Variants in FHIT observed in about 807,000 individuals in gnomAD.
FHIT encodes fragile histidine triad diadenosine triphosphatase.
A neutral mutation model predicts 17.9 loss-of-function variants in FHIT; 19 were observed. The ratio of observed to expected loss-of-function variants is 1.06; its 90% CI spans 0.74 to 1.56. The LOEUF is 1.56. FHIT is among the 40% of genes most tolerant of loss of function. FHIT has a pLI of 0.00. For synonymous variants in FHIT, 81 were observed against 69.7 expected, an observed-to-expected ratio of 1.16 and a Z score of -0.81; for missense variants, 248 against 189.2, an observed-to-expected ratio of 1.31 and a Z score of -1.82.
At chr3:60,351,474 T>C (rs923032029) in intron 5 of FHIT, among the ~76,000 whole-genome samples, 7 of 152,184 alleles carry the variant, frequency 4.6e-5, no homozygotes, top group Non-Finnish European at 8.8e-5. Flanking sequence ...TTTTGTCTAA[T>C]GATATATGCA....
chr3:60,374,642 A>G (rs568785568), intron 5 of FHIT, among the ~76,000 whole-genome samples: 1 of 151,110 alleles, frequency 6.6e-6, no homozygotes, highest in Non-Finnish European at 1.5e-5. Context: ...ATTGACATTT[A>G]TGTAGAAGGA....
intron 4 of FHIT, among the ~76,000 whole-genome samples, chr3:60,589,742 G>GA (rs2038021236): frequency 6.6e-6 from 1 of 152,008 alleles, no homozygotes; most frequent in Non-Finnish European, 1.5e-5. Flanking sequence ...GATACTACTT[G>GA]TTTCCCCCAC....
intron 5 of FHIT, among the ~76,000 whole-genome samples, chr3:60,437,656 T>A (rs559069876): frequency 7.2e-5 from 11 of 152,244 alleles, no homozygotes; most frequent in Middle Eastern, 3.4e-3. Context: ...GTTGTGTTAT[T>A]TATCTGTGGT....
At chr3:61,107,607 C>G (rs2036028503) in intron 2 of FHIT, among the ~76,000 whole-genome samples, 2 of 152,154 alleles carry the variant, frequency 1.3e-5, no homozygotes, top group Non-Finnish European at 2.9e-5. Context: ...TGCTTTTTCT[C>G]TACAGCTCAG....
At chr3:60,288,566 AGTGTGTGTGTGTGTGT>A (rs139336094) in intron 5 of FHIT, among the ~76,000 whole-genome samples, 3,970 of 144,652 alleles carry the variant, frequency 0.027, 74 homozygotes, top group Middle Eastern at 0.078. Flanking sequence ...GTTCTGGCAC[AGTGTGTGTGTGTGTGT>A]GTGTGTGTGT....
chr3:60,923,281 G>T (rs1707383339), intron 3 of FHIT, among the ~76,000 whole-genome samples: 1 of 152,184 alleles, frequency 6.6e-6, no homozygotes, highest in African/African-American at 2.4e-5. Flanking sequence ...GTCAAATGTT[G>T]TGTGTGTTTC....
At chr3:61,150,329 A>C (rs536936803) in intron 2 of FHIT, among the ~76,000 whole-genome samples, 1 of 151,782 alleles carries the variant, frequency 6.6e-6, no homozygotes, top group Non-Finnish European at 1.5e-5. Context: ...GGAGCTCTCT[A>C]TGTTCCTTCT....
At chr3:60,003,198 C>T (rs1260016576) in intron 7 of FHIT, among the ~76,000 whole-genome samples, 1 of 152,164 alleles carries the variant, frequency 6.6e-6, no homozygotes, top group Non-Finnish European at 1.5e-5. Flanking sequence ...TCACATCCCA[C>T]ATTGCACTGC....
At chr3:60,273,402 T>A in intron 5 of FHIT, among the ~76,000 whole-genome samples, 1 of 151,084 alleles carries the variant, frequency 6.6e-6, no homozygotes, top group Non-Finnish European at 1.5e-5. Flanking sequence ...AGGTCAGGAG[T>A]TCAAGACCAG....
At chr3:60,858,083 G>A (rs1233504597) in intron 3 of FHIT, among the ~76,000 whole-genome samples, 1 of 152,164 alleles carries the variant, frequency 6.6e-6, no homozygotes, top group East Asian at 1.9e-4. Flanking sequence ...GTCCATGTTT[G>A]TCTTGGTCAC....
intron 4 of FHIT, among the ~76,000 whole-genome samples, chr3:60,599,067 A>G (rs1553667798): frequency 6.6e-6 from 1 of 152,208 alleles, no homozygotes; most frequent in African/African-American, 2.4e-5. Context: ...TGCTGTGGGC[A>G]TACTAGCAAA....
Position 60,497,578 on chromosome 3 carries a change from G to C in FHIT, c.103+39282C>G, listed in dbSNP as rs116005988. Among the ~76,000 whole-genome samples, 1,122 of 152,072 alleles carry C rather than the reference G, an allele frequency of 7.4e-3. 14 individuals carry two copies. The highest frequency in any genetic ancestry group is 0.026 in the African/African-American group (1,064 of 41,492). The stretch of plus-strand genomic sequence containing the variant: ...TCAAACGTATTTGCACTTTTTTTCA[G>C]TGTTTGTTCTACACAGAGCTATAAA... On this transcript the variant is annotated intron_variant, in intron 5 of 9. Coordinates refer to ENST00000492590, the MANE Select transcript of FHIT (RefSeq NM_002012.4).
At chr3:59,975,045 G>A (rs547710276) in intron 7 of FHIT, among the ~76,000 whole-genome samples, 2 of 151,700 alleles carry the variant, frequency 1.3e-5, no homozygotes, top group Non-Finnish European at 2.9e-5. Flanking sequence ...TTATTTTTTT[G>A]TGGGCCCTCA....
intron 2 of FHIT, among the ~76,000 whole-genome samples, chr3:61,083,092 A>C (rs1044226946): frequency 2.6e-5 from 4 of 152,214 alleles, no homozygotes; most frequent in Non-Finnish European, 5.9e-5. Flanking sequence ...TGATGTCTTT[A>C]GTTCATAAAC....
intron 3 of FHIT, among the ~76,000 whole-genome samples, chr3:60,869,520 G>A (rs1444750741): frequency 6.6e-6 from 1 of 152,156 alleles, no homozygotes; most frequent in Non-Finnish European, 1.5e-5. Context: ...CACATGCAAG[G>A]AATGACTGCA....
chr3:60,013,860 G>C, intron 6 of FHIT, 147 bp downstream of exon 6: 1 of 760,950 alleles, frequency 1.3e-6, no homozygotes, highest in Non-Finnish European at 2.2e-6. Flanking sequence ...CAGTAGGGTT[G>C]CCCTGCATTA....
intron 5 of FHIT, among the ~76,000 whole-genome samples, chr3:60,484,580 T>A (rs1227610799): frequency 6.6e-6 from 1 of 152,226 alleles, no homozygotes; most frequent in Non-Finnish European, 1.5e-5. Flanking sequence ...AAGGATTTCT[T>A]ATTCAATAAA....
At chr3:60,049,967 T>C (rs1701806155) in intron 5 of FHIT, among the ~76,000 whole-genome samples, 1 of 152,218 alleles carries the variant, frequency 6.6e-6, no homozygotes, top group African/African-American at 2.4e-5. Flanking sequence ...ATGATCTTTC[T>C]TGTTGCTTTT....
chr3:61,034,778 T>G (rs1244340993), intron 3 of FHIT, among the ~76,000 whole-genome samples: 1 of 152,110 alleles, frequency 6.6e-6, no homozygotes, highest in African/African-American at 2.4e-5. Flanking sequence ...ATCTCACTGG[T>G]AGGTATATAT....
Sources: gnomAD v4.1 joint callset for allele counts (sites outside exome capture counted in the v4.1 genomes callset) on GRCh38, gnomAD v4.1.1 for gene constraint, MANE v1.5 for transcripts, NCBI Gene and HGNC (gene_info 2026-07-23, HGNC 2026-07-21) for gene names.